C3orf33: variants seen among roughly 807,000 people sequenced by gnomAD.
C3orf33 encodes the protein AP-1 activity suppressor.
Under a neutral mutation model 28.7 loss-of-function variants are expected in C3orf33, and 23 were observed. The ratio of observed to expected loss-of-function variants is 0.80; its 90% CI spans 0.58 to 1.13. The LOEUF (loss-of-function observed/expected upper bound fraction) is 1.13, where lower values mean the gene tolerates loss of function less well. Ranked by LOEUF, C3orf33 falls within the 50% of genes most tolerant of loss-of-function variation. C3orf33 has a pLI of 0.00. For missense variants in C3orf33, 327 were observed against 353.4 expected (o/e 0.93, Z 0.60); for synonymous variants, 119 against 120.5 (o/e 0.99, Z 0.08).
intron 3 of C3orf33, among the ~76,000 whole-genome samples, chr3:155,774,145 T>C (rs994615707): frequency 6.6e-6 from 1 of 152,172 alleles, no homozygotes; most frequent in Non-Finnish European, 1.5e-5. Flanking sequence ...TTTTACCAAG[T>C]CTCTATTGGC....
chr3:155,782,639 A>G (rs1427778340), intron 2 of C3orf33, among the ~76,000 whole-genome samples: 3 of 152,180 alleles, frequency 2.0e-5, no homozygotes, highest in African/African-American at 7.2e-5. Flanking sequence ...CAAGAATATT[A>G]TATCCAGCAA....
chr3:155,775,862 G>T lies in C3orf33; in HGVS notation c.175-14C>A. The T allele has an allele frequency of 6.5e-7, 1 of 1,549,826 alleles. No individual in the cohort carries two copies. Among genetic ancestry groups the T allele is most frequent in the South Asian group, 1.2e-5 (1 of 85,072 alleles). Reference sequence around the variant, plus strand: ...AAATTTTGATGTCTATTGATTTACAGGGAGAAAAATATAACCACTTATTAT... The same window carrying T: ...AAATTTTGATGTCTATTGATTTACATGGAGAAAAATATAACCACTTATTAT... On this transcript the variant is annotated splice_polypyrimidine_tract_variant and intron_variant, in intron 2 of 4. Transcript: ENST00000340171.
chr3:155,772,806 G>A (rs964348734), intron 3 of C3orf33, among the ~76,000 whole-genome samples: 2 of 145,188 alleles, frequency 1.4e-5, no homozygotes, highest in African/African-American at 5.1e-5. Context: ...GTGTGTGTGT[G>A]TGTGTGCCTC....
At chr3:155,797,075 CA>C (rs1419168373) in intron 2 of C3orf33, among the ~76,000 whole-genome samples, 2 of 152,122 alleles carry the variant, frequency 1.3e-5, no homozygotes, top group African/African-American at 4.8e-5. Flanking sequence ...CCTGTAATTC[CA>C]GCTACTTGGG....
At chr3:155,802,088 T>C (rs1751667131) in intron 2 of C3orf33, among the ~76,000 whole-genome samples, 1 of 152,196 alleles carries the variant, frequency 6.6e-6, no homozygotes. Flanking sequence ...AAATATTATG[T>C]CTTATGCTAC....
intron 2 of C3orf33, among the ~76,000 whole-genome samples, chr3:155,801,056 T>C (rs1397536905): frequency 6.6e-6 from 1 of 152,160 alleles, no homozygotes; most frequent in Admixed American, 6.5e-5. Context: ...ACGGGTGTTG[T>C]TATCCCAGCA....
intron 2 of C3orf33, among the ~76,000 whole-genome samples, chr3:155,796,284 CAAAT>C (rs1751474592): frequency 6.6e-6 from 1 of 151,864 alleles, no homozygotes; most frequent in South Asian, 2.1e-4. Flanking sequence ...AGAGGAGACT[CAAAT>C]AAATAAAATC....
intron 2 of C3orf33, among the ~76,000 whole-genome samples, chr3:155,777,470 T>C (rs1750788157): frequency 6.6e-6 from 1 of 151,920 alleles, no homozygotes; most frequent in Non-Finnish European, 1.5e-5. Flanking sequence ...AGACAGGGTC[T>C]CGCTCTGTGG....
intron 4 of C3orf33, 77 bp from the exon 5 acceptor site, chr3:155,763,995 AATC>A: frequency 1.8e-6 from 2 of 1,118,692 alleles, no homozygotes; most frequent in Non-Finnish European, 2.3e-6. Context: ...TTACCTTAAA[AATC>A]AGTCATTCAA....
At chr3:155,785,465 A>C (rs1408354094) in intron 2 of C3orf33, among the ~76,000 whole-genome samples, 1 of 152,246 alleles carries the variant, frequency 6.6e-6, no homozygotes, top group Non-Finnish European at 1.5e-5. Context: ...GCCACAAATT[A>C]AGTCTTAGTA....
chr3:155,786,422 T>C (rs1009696677), intron 2 of C3orf33, among the ~76,000 whole-genome samples: 1 of 152,016 alleles, frequency 6.6e-6, no homozygotes, highest in Non-Finnish European at 1.5e-5. Context: ...GAAATAAAAG[T>C]GGGGACATTA....
intron 3 of C3orf33, among the ~76,000 whole-genome samples, chr3:155,772,291 A>G (rs1750616160): frequency 6.6e-6 from 1 of 152,168 alleles, no homozygotes; most frequent in Admixed American, 6.6e-5. Context: ...TATGTCAAGT[A>G]AGGGAAGGAT....
chr3:155,797,538 G>A (rs1024373499), intron 2 of C3orf33, among the ~76,000 whole-genome samples: 1 of 152,102 alleles, frequency 6.6e-6, no homozygotes, highest in Non-Finnish European at 1.5e-5. Flanking sequence ...CAGATGATAT[G>A]ATCTGTATTC....
At chr3:155,800,820 T>C (rs997594461) in intron 2 of C3orf33, among the ~76,000 whole-genome samples, 1 of 151,796 alleles carries the variant, frequency 6.6e-6, no homozygotes, top group African/African-American at 2.4e-5. Context: ...AATAACCACA[T>C]GAAAAGATGC....
chr3:155,796,625 T>C (rs358701), intron 2 of C3orf33, among the ~76,000 whole-genome samples: 122,677 of 152,154 alleles, frequency 0.81, 49,583 homozygotes, highest in East Asian at 0.92. Flanking sequence ...CCTACTCAAA[T>C]GATTCAAAAA....
chr3:155,787,767 GC>G (rs1751172721), intron 2 of C3orf33, among the ~76,000 whole-genome samples: 1 of 151,618 alleles, frequency 6.6e-6, no homozygotes, highest in Non-Finnish European at 1.5e-5. Context: ...TCCCACCTCA[GC>G]CTCCCAAAGT....
At chr3:155,786,105 A>G (rs1751092447) in intron 2 of C3orf33, among the ~76,000 whole-genome samples, 1 of 150,348 alleles carries the variant, frequency 6.7e-6, no homozygotes, top group Admixed American at 6.6e-5. Flanking sequence ...GAAAAAGGGA[A>G]GGGGAAATGG....
intron 1 of C3orf33, among the ~76,000 whole-genome samples, chr3:155,802,800 C>A (rs183479070): frequency 6.6e-6 from 1 of 152,194 alleles, no homozygotes; most frequent in East Asian, 1.9e-4. Context: ...TACTCAAATT[C>A]TTTCCCAATC....
At chr3:155,778,398 C>A (rs1402181178) in intron 2 of C3orf33, among the ~76,000 whole-genome samples, 1 of 152,090 alleles carries the variant, frequency 6.6e-6, no homozygotes, top group Non-Finnish European at 1.5e-5. Flanking sequence ...TTAGGAAGTA[C>A]GCTATGAAGT....
Sources: gnomAD v4.1 joint callset for allele counts (sites outside exome capture counted in the v4.1 genomes callset) on GRCh38, gnomAD v4.1.1 for gene constraint, MANE v1.5 for transcripts, NCBI Gene and HGNC (gene_info 2026-07-23, HGNC 2026-07-21) for gene names.